The following SPIDR variants were observed in gnomAD, a reference collection of about 807,000 sequenced individuals.
The protein encoded by SPIDR is DNA repair-scaffolding protein.
In SPIDR, 93 loss-of-function variants were observed where a neutral mutation model predicts 104.6. That is an observed-to-expected ratio of 0.89 (90% CI 0.75 to 1.06). The LOEUF (loss-of-function observed/expected upper bound fraction) is 1.06, where lower values mean the gene tolerates loss of function less well. Among genes scored for constraint, SPIDR ranks in the 50% least tolerant of loss-of-function variants. SPIDR has a pLI of 0.00. For missense variants in SPIDR, 1,154 were observed against 1,111.2 expected (o/e 1.04, Z -0.55); for synonymous variants, 431 against 416.9 (o/e 1.03, Z -0.41).
intron 10 of SPIDR, among the ~76,000 whole-genome samples, chr8:47,600,835 G>A (rs1331587791): frequency 2.0e-5 from 3 of 152,140 alleles, no homozygotes; most frequent in South Asian, 2.1e-4. Flanking sequence ...TCAGTACACA[G>A]ACCACACACT....
At chr8:47,536,408 T>G (rs1316323207) in intron 8 of SPIDR, among the ~76,000 whole-genome samples, 1 of 152,016 alleles carries the variant, frequency 6.6e-6, no homozygotes, top group East Asian at 1.9e-4. Context: ...ATCAAGGCAG[T>G]GATACAGGAA....
intron 8 of SPIDR, among the ~76,000 whole-genome samples, chr8:47,509,347 T>C (rs1366026785): frequency 1.4e-5 from 2 of 148,144 alleles, no homozygotes; most frequent in African/African-American, 5.0e-5. Flanking sequence ...AGTTACGAGG[T>C]GGGTAAGCAG....
chr8:47,292,716 G>A (rs886275637), intron 4 of SPIDR, among the ~76,000 whole-genome samples: 4 of 152,074 alleles, frequency 2.6e-5, no homozygotes, highest in Non-Finnish European at 5.9e-5. Flanking sequence ...GTTTTGTGAC[G>A]AAAGCCCCCG....
At chr8:47,558,178 T>A (rs1050774637) in intron 8 of SPIDR, among the ~76,000 whole-genome samples, 2 of 152,092 alleles carry the variant, frequency 1.3e-5, no homozygotes, top group Non-Finnish European at 2.9e-5. Flanking sequence ...CAGGGCAAGG[T>A]TGAAAAACTA....
chr8:47,489,176 G>A (rs57119764), intron 8 of SPIDR, among the ~76,000 whole-genome samples: 2,741 of 152,214 alleles, frequency 0.018, 83 homozygotes, highest in African/African-American at 0.064. Flanking sequence ...AAATCAATGT[G>A]CAAAAATCAC....
In SPIDR at chr8:47,285,967, C is replaced by T. The variant is rs895182159; in HGVS notation, c.256+1873C>T. Among the ~76,000 whole-genome samples, 240 of 152,284 alleles carry T rather than the reference C, an allele frequency of 1.6e-3. 1 individual carries two copies. The highest frequency in any genetic ancestry group is 5.6e-3 in the African/African-American group (234 of 41,558). ...TGAGCCTTGATATCAAGGACACCCT[C>T]TTTACAGCAAGTGAAATGAGTTACT... On this transcript the variant is annotated intron_variant, in intron 3 of 19. Transcript: ENST00000297423.
At chr8:47,369,578 A>G (rs1314966397) in intron 5 of SPIDR, among the ~76,000 whole-genome samples, 1 of 152,164 alleles carries the variant, frequency 6.6e-6, no homozygotes, top group Non-Finnish European at 1.5e-5. Context: ...GTGCATTGCA[A>G]CACTAGCCAT....
At chr8:47,420,407 A>G (rs574492386) in intron 7 of SPIDR, among the ~76,000 whole-genome samples, 1 of 151,934 alleles carries the variant, frequency 6.6e-6, no homozygotes, top group African/African-American at 2.4e-5. Flanking sequence ...GTTGGTTTAA[A>G]GTCTGTTTTA....
intron 10 of SPIDR, among the ~76,000 whole-genome samples, chr8:47,659,874 G>A (rs767374316): frequency 5.3e-4 from 80 of 152,200 alleles, no homozygotes; most frequent in South Asian, 1.2e-3. Flanking sequence ...TGAAACAGCC[G>A]GGCCTGACTC....
intron 10 of SPIDR, 148 bp from the exon 11 acceptor site, chr8:47,673,653 C>A: frequency 6.9e-6 from 6 of 872,114 alleles, no homozygotes; most frequent in East Asian, 5.9e-5. Context: ...TTTTTTTTTT[C>A]CCCCCTTGGT....
At chr8:47,605,806 G>A (rs1005206575) in intron 10 of SPIDR, among the ~76,000 whole-genome samples, 1 of 152,110 alleles carries the variant, frequency 6.6e-6, no homozygotes, top group Non-Finnish European at 1.5e-5. Flanking sequence ...CTCTTTAACA[G>A]TAAGCATAGA....
chr8:47,501,441 G>C (rs1415221403), intron 8 of SPIDR, among the ~76,000 whole-genome samples: 1 of 152,032 alleles, frequency 6.6e-6, no homozygotes, highest in South Asian at 2.1e-4. Context: ...TTGGCTCTCT[G>C]TTTGTCTGTT....
intron 8 of SPIDR, among the ~76,000 whole-genome samples, chr8:47,464,633 G>T (rs2074469698): frequency 6.6e-6 from 1 of 152,082 alleles, no homozygotes; most frequent in Admixed American, 6.6e-5. Context: ...ATCCCAGGAG[G>T]CAAAGAACCC....
At chr8:47,579,735 C>A (rs1320262613) in intron 8 of SPIDR, among the ~76,000 whole-genome samples, 1 of 152,178 alleles carries the variant, frequency 6.6e-6, no homozygotes, top group Non-Finnish European at 1.5e-5. Flanking sequence ...ACCCCCAACC[C>A]AATTTCATGC....
intron 8 of SPIDR, among the ~76,000 whole-genome samples, chr8:47,571,292 T>C (rs2058496169): frequency 6.6e-6 from 1 of 152,158 alleles, no homozygotes; most frequent in Non-Finnish European, 1.5e-5. Flanking sequence ...TTAAGTATTG[T>C]AAGCATACAC....
chr8:47,449,796 G>A (rs1466572920), intron 8 of SPIDR, among the ~76,000 whole-genome samples: 1 of 152,224 alleles, frequency 6.6e-6, no homozygotes, highest in Non-Finnish European at 1.5e-5. Context: ...GAAGTTAGAT[G>A]ACGCTTTTCA....
intron 19 of SPIDR, among the ~76,000 whole-genome samples, chr8:47,730,081 A>C (rs2084951145): frequency 6.6e-6 from 1 of 152,074 alleles, no homozygotes; most frequent in African/African-American, 2.4e-5. Flanking sequence ...CCAAGGTGTC[A>C]TGTTAATAGG....
chr8:47,272,972 A>C (rs1209911500), intron 1 of SPIDR, among the ~76,000 whole-genome samples: 1 of 152,262 alleles, frequency 6.6e-6, no homozygotes, highest in African/African-American at 2.4e-5. Flanking sequence ...ACCCATAAAA[A>C]GGAAAAACAA....
chr8:47,470,489 A>T (rs1486305125), intron 8 of SPIDR, among the ~76,000 whole-genome samples: 2 of 151,302 alleles, frequency 1.3e-5, no homozygotes, highest in Non-Finnish European at 2.9e-5. Flanking sequence ...GGGTTTCACC[A>T]CGTTGCCCAG....
Sources: allele counts gnomAD v4.1 joint callset (sites outside exome capture counted in the v4.1 genomes callset), GRCh38; gene constraint gnomAD v4.1.1; transcripts MANE v1.5; gene names NCBI Gene and HGNC (gene_info 2026-07-23, HGNC 2026-07-21).